The following EXOC4 variants were observed in gnomAD, a reference collection of about 807,000 sequenced individuals.
EXOC4 encodes the protein exocyst complex component 4.
Under a neutral mutation model 107.2 loss-of-function variants are expected in EXOC4, and 71 were observed. That is an observed-to-expected ratio of 0.66 (90% CI 0.55 to 0.81). The LOEUF is 0.81. EXOC4 is among the 30% of genes least tolerant of loss of function. The pLI, the probability that EXOC4 is intolerant of heterozygous loss-of-function variation, is 0.00. For synonymous variants in EXOC4, 456 were observed against 441.2 expected (o/e 1.03, Z -0.42); for missense variants, 1,108 against 1,189.6 (o/e 0.93, Z 1.01).
chr7:133,684,380 A>T (rs187585010), intron 10 of EXOC4, among the ~76,000 whole-genome samples: 1 of 152,326 alleles, frequency 6.6e-6, no homozygotes, highest in Admixed American at 6.5e-5. Flanking sequence ...AGACAATTAT[A>T]GTACAAATTA....
At chr7:134,040,070 T>A (rs1795479313) in intron 17 of EXOC4, among the ~76,000 whole-genome samples, 1 of 152,206 alleles carries the variant, frequency 6.6e-6, no homozygotes, top group South Asian at 2.1e-4. Flanking sequence ...GTTAAACACA[T>A]AGACTTGTTG....
Position 133,379,439 on chromosome 7 carries a change from G to A in EXOC4, c.1182+4437G>A, listed in dbSNP as rs185392498. ...ATACACTTTAAACATAAAATTAAAT[G>A]TATGAGAATGGAAAGAGATAACCAT... On this transcript the variant is annotated intron_variant, in intron 7 of 17. Coordinates refer to ENST00000253861, the MANE Select transcript of EXOC4 (RefSeq NM_021807.4). Among the ~76,000 whole-genome samples the A allele has an allele frequency of 5.3e-5, 8 of 151,960 alleles. No individual in the cohort carries two copies. In the East Asian group the frequency reaches 1.3e-3, roughly 26 times the overall value.
chr7:134,069,099 C>CT (rs1428185438), downstream of EXOC4, among the ~76,000 whole-genome samples: 11 of 152,154 alleles, frequency 7.2e-5, no homozygotes, highest in Admixed American at 3.9e-4. Flanking sequence ...AAATTTCAGC[C>CT]TGACTCTGTG....
intron 9 of EXOC4, among the ~76,000 whole-genome samples, chr7:133,571,266 A>G (rs6970426): frequency 9.2e-5 from 14 of 152,038 alleles, no homozygotes; most frequent in Middle Eastern, 3.2e-3. Flanking sequence ...TGATCAAATG[A>G]CATCAGACAG....
intron 11 of EXOC4, among the ~76,000 whole-genome samples, chr7:133,883,478 C>CA (rs1168936994): frequency 0.031 from 3,996 of 128,224 alleles, 86 homozygotes; most frequent in African/African-American, 0.064. Context: ...CCATCTCTAC[C>CA]AAAAAAAAAA....
intron 11 of EXOC4, among the ~76,000 whole-genome samples, chr7:133,888,915 A>C (rs1799144890): frequency 6.6e-6 from 1 of 152,230 alleles, no homozygotes; most frequent in Non-Finnish European, 1.5e-5. Context: ...AAACAAAATA[A>C]AATATCCAAA....
intron 10 of EXOC4, among the ~76,000 whole-genome samples, chr7:133,789,319 A>G (rs1369320350): frequency 1.3e-5 from 2 of 152,180 alleles, no homozygotes; most frequent in Non-Finnish European, 2.9e-5. Context: ...TTACAGCCAC[A>G]CAGAAGCTCT....
intron 7 of EXOC4, among the ~76,000 whole-genome samples, chr7:133,408,347 G>A (rs1461757564): frequency 3.3e-5 from 5 of 151,314 alleles, no homozygotes; most frequent in African/African-American, 1.2e-4. Flanking sequence ...GTGATGGTGG[G>A]GTGGATTGGT....
chr7:133,339,304 G>C (rs911194510), intron 5 of EXOC4, among the ~76,000 whole-genome samples: 1 of 152,096 alleles, frequency 6.6e-6, no homozygotes, highest in Non-Finnish European at 1.5e-5. Context: ...CTTTGTCAAA[G>C]ATCAGTTGGT....
At chr7:133,884,620 T>TGC (rs1554414614) in intron 11 of EXOC4, among the ~76,000 whole-genome samples, 1,611 of 142,378 alleles carry the variant, frequency 0.011, 21 homozygotes, top group African/African-American at 0.028. Context: ...TGTGTGTGTG[T>TGC]GCGCGCGTGT....
intron 2 of EXOC4, among the ~76,000 whole-genome samples, chr7:133,283,481 G>A (rs879735659): frequency 3.9e-5 from 6 of 152,208 alleles, no homozygotes; most frequent in Non-Finnish European, 5.9e-5. Flanking sequence ...GATCATGGGA[G>A]TGCAGATATC....
At chr7:133,673,392 T>G (rs1335451988) in intron 10 of EXOC4, among the ~76,000 whole-genome samples, 1 of 152,234 alleles carries the variant, frequency 6.6e-6, no homozygotes, top group Non-Finnish European at 1.5e-5. Context: ...TCTCATCTTT[T>G]AATTCTTCTG....
intron 14 of EXOC4, among the ~76,000 whole-genome samples, chr7:133,971,393 G>GAA (rs1801231112): frequency 7.1e-6 from 1 of 141,472 alleles, no homozygotes; most frequent in Non-Finnish European, 1.5e-5. Context: ...GAGAGAGAGA[G>GAA]AGAGAGAGAA....
At chr7:133,299,121 TATG>T (rs1563007997) in intron 3 of EXOC4, among the ~76,000 whole-genome samples, 1 of 152,150 alleles carries the variant, frequency 6.6e-6, no homozygotes, top group Non-Finnish European at 1.5e-5. Context: ...TGAGTGACAA[TATG>T]ATGATATTTT....
intron 3 of EXOC4, among the ~76,000 whole-genome samples, chr7:133,289,918 C>T (rs1241799947): frequency 6.6e-6 from 1 of 152,132 alleles, no homozygotes; most frequent in East Asian, 1.9e-4. Context: ...TTTTCCTTCC[C>T]CACAGTAGGT....
At chr7:133,986,938 T>C (rs960122045) in intron 14 of EXOC4, among the ~76,000 whole-genome samples, 1 of 152,156 alleles carries the variant, frequency 6.6e-6, no homozygotes, top group Admixed American at 6.6e-5. Context: ...AGAAGTTAGA[T>C]GGAGGGGCTC....
chr7:133,829,169 A>T (rs1358363552), intron 11 of EXOC4, among the ~76,000 whole-genome samples: 1 of 152,218 alleles, frequency 6.6e-6, no homozygotes, highest in African/African-American at 2.4e-5. Context: ...TGTTCTTGAG[A>T]CAGTGAGAGT....
chr7:133,774,187 C>T (rs1796300464), intron 10 of EXOC4, among the ~76,000 whole-genome samples: 1 of 152,120 alleles, frequency 6.6e-6, no homozygotes, highest in South Asian at 2.1e-4. Flanking sequence ...AGGCCATTAA[C>T]ATCCCCGAAG....
chr7:133,686,193 G>A (rs1026111275), intron 10 of EXOC4, among the ~76,000 whole-genome samples: 4 of 152,116 alleles, frequency 2.6e-5, no homozygotes, highest in African/African-American at 9.7e-5. Context: ...CTCACCAGAT[G>A]TAGCCCCTTG....
Sources: gnomAD v4.1 joint callset for allele counts (sites outside exome capture counted in the v4.1 genomes callset) on GRCh38, gnomAD v4.1.1 for gene constraint, MANE v1.5 for transcripts, NCBI Gene and HGNC (gene_info 2026-07-23, HGNC 2026-07-21) for gene names.